The following TTLL3 variants were observed in gnomAD, a reference collection of about 807,000 sequenced individuals.
TTLL3 encodes tubulin tyrosine ligase like 3.
TTLL3 carries 63 observed loss-of-function variants against 75.2 expected under a neutral mutation model. The observed-to-expected ratio is 0.84, with a 90% CI of 0.68 to 1.03. The LOEUF is 1.03. TTLL3 is among the 50% of genes least tolerant of loss of function. The pLI is 0.00. For synonymous variants in TTLL3, 393 were observed against 418.5 expected (o/e 0.94, Z 0.74); for missense variants, 997 against 1,069.9 (o/e 0.93, Z 0.95).
Position 9,810,434 on chromosome 3 carries a change from C to A in TTLL3, c.-42+40C>A. 1 of 1,425,242 alleles carries A rather than the reference C, an allele frequency of 7.0e-7. No homozygotes were observed. The highest frequency in any genetic ancestry group is 9.1e-7 in the Non-Finnish European group (1 of 1,094,640). 88.3% of individuals were successfully genotyped at this position (1,425,242 alleles called of 1,614,324 possible). A position where few individuals can be genotyped will look rare whatever the true frequency, so the allele number is the denominator to read the frequency against. ...GCCCGCTCGCTCTGGCCTACAGCGG[C>A]TGCGAGGACGACAAGACGCTGGGGT... On this transcript the variant is annotated intron_variant, in intron 1 of 13. Transcript: ENST00000685419. This position sits in a 1 kb window ranked among gnomAD's most constrained non-coding sequence, Gnocchi z 4.4.
chr3:9,820,639 G>A lies in TTLL3; in HGVS notation c.752G>A (p.Ser251Asn). 1 of 1,614,126 alleles carries A rather than the reference G, an allele frequency of 6.2e-7. No individual in the cohort carries two copies. Among genetic ancestry groups the A allele is most frequent in the Non-Finnish European group, 8.5e-7 (1 of 1,180,002 alleles). ...EALCACEEYL[S>N]NLAHMDIDKD... is the part of the protein sequence containing the mutation. ...CTGTGTGCGTGCGAGGAGTACCTTA[G>A]CAACTTGGCCCACATGGACATCGAC... Residue 251 changes from serine to asparagine, a missense_variant, in exon 8 of 14, where the codon AGC becomes AAC. Coordinates refer to ENST00000685419, the MANE Select transcript of TTLL3 (RefSeq NM_001387446.1).
At chr3:9,815,208 T>C (rs9836708) in intron 4 of TTLL3, among the ~76,000 whole-genome samples, 127,524 of 150,208 alleles carry the variant, frequency 0.85, 54,380 homozygotes, top group Non-Finnish European at 0.89. Context: ...GCCACTGCAC[T>C]CCAGCCTGGG....
At chr3:9,828,763 G>A (rs2124950541) in intron 10 of TTLL3, 197 bp from the exon 11 acceptor site, 1 of 685,800 alleles carries the variant, frequency 1.5e-6, no homozygotes, top group Non-Finnish European at 2.4e-6. Context: ...AGCCCTGAGA[G>A]ATAAGAGTGG....
rs1408156300 is a variant in TTLL3, at chr3:9,818,926, T to C, written c.658+6T>C. On this transcript the variant is annotated splice_donor_region_variant and intron_variant, in intron 7 of 13. Transcript: ENST00000685419. ...AGTAGAGGAAGAGGCCTCAGGTAAGTACTGTGGTTACCTCCACTCTCCCAC... is the reference window on the plus strand; with the variant it reads ...AGTAGAGGAAGAGGCCTCAGGTAAGCACTGTGGTTACCTCCACTCTCCCAC... The C allele has an allele frequency of 1.9e-6, 3 of 1,614,020 alleles. No individual in the cohort carries two copies. In the South Asian group the frequency reaches 3.3e-5, roughly 18 times the overall value.
chr3:9,817,618 C>G, intron 5 of TTLL3, 27 bp from the exon 6 acceptor site: 2 of 1,613,610 alleles, frequency 1.2e-6, no homozygotes, highest in South Asian at 1.1e-5. Context: ...CAGTCCTGCC[C>G]TGCCCTCTCA....
At chr3:9,824,741 T>TCTTTTC (rs1412510168) in intron 8 of TTLL3, among the ~76,000 whole-genome samples, 1 of 138,386 alleles carries the variant, frequency 7.2e-6, no homozygotes, top group Admixed American at 7.2e-5. Context: ...TCTTTTCTTT[T>TCTTTTC]TTTTTTTTTT....
At position 9,810,826 on chromosome 3, in the gene TTLL3, A is replaced by C; in HGVS notation, c.48+117A>C. ...AGCAAAAGAAAAAACAATAGCAAAA[A>C]TCCTCAACCACCACACCCATCTTCA... On this transcript the variant is annotated intron_variant, in intron 2 of 13. Transcript: ENST00000685419. This position sits in a 1 kb window ranked among gnomAD's most constrained non-coding sequence, Gnocchi z 4.4. 5 of 967,314 alleles carry C rather than the reference A, an allele frequency of 5.2e-6. No individual in the cohort carries two copies. Among genetic ancestry groups the C allele is most frequent in the South Asian group, 1.8e-5 (1 of 56,144 alleles). The allele number at this position is 967,314 out of a possible 1,614,324, so 59.9% of individuals were successfully genotyped here.
In TTLL3 at chr3:9,820,673, G is replaced by C. The variant is rs139669248; in HGVS notation, c.786G>C (p.Leu262=). 4.0e-4 allele frequency: 648 copies of C among 1,614,150 alleles called. 4 individuals are homozygous for C. The Middle Eastern group carries it at 6.1e-3, about 15-fold the overall frequency. ...CCCACATGGACATCGACAAGGACCTGGAGGCCCCGCTGTACCTCACCCCCG... is the reference window on the plus strand; with the variant it reads ...CCCACATGGACATCGACAAGGACCTCGAGGCCCCGCTGTACCTCACCCCCG... The part of the protein sequence containing the change: ...NLAHMDIDKD[L]EAPLYLTPEG... Residue 262 remains leucine (L), a synonymous_variant, in exon 8 of 14, where the codon CTG becomes CTC. Transcript: ENST00000685419.
In TTLL3 at chr3:9,813,059, C is replaced by T; in HGVS notation, c.165C>T (p.Pro55=). 6.3e-7 allele frequency: 1 copy of T among 1,587,590 alleles called. No individual in the cohort carries two copies. Residue 55 remains proline (P), a synonymous_variant, in exon 3 of 14, where the codon CCC becomes CCT. Transcript: ENST00000685419. ...VHRSGPTLLP[P]QKDLDSSAMG... ...GCTCAGGCCCCACCCTGCTGCCACC[C>T]CAGAAGGATCTGGATAGCTCAGCGA...
At position 9,817,660 on chromosome 3, in the gene TTLL3, A is replaced by C. The variant is rs1316442729; in HGVS notation, c.460A>C (p.Asn154His). ...SFTTKVGLCL[N>H]LRNLPWFDEV... ...AACTCCGTAGGTGGGTCTATGTCTCAATCTCCGGAATTTGCCGTGGTTTGA... is the reference window on the plus strand; with the variant it reads ...AACTCCGTAGGTGGGTCTATGTCTCCATCTCCGGAATTTGCCGTGGTTTGA... Residue 154 changes from asparagine to histidine, a missense_variant, in exon 6 of 14, where the codon AAT becomes CAT. Asn to His is a moderately conservative substitution (Grantham distance 68). Transcript: ENST00000685419. 1 of 1,614,076 alleles carries C rather than the reference A, an allele frequency of 6.2e-7. No individual in the cohort carries two copies. The highest frequency in any genetic ancestry group is 2.2e-5 in the East Asian group (1 of 44,882).
chr3:9,820,070 A>G, intron 7 of TTLL3: 2 of 993,650 alleles, frequency 2.0e-6, no homozygotes, highest in Non-Finnish European at 2.4e-6. Flanking sequence ...CAGTGCACAC[A>G]GAAGTTAGTG....
In TTLL3 at chr3:9,835,589, G is replaced by T; in HGVS notation, c.*100G>T. 1 of 1,212,140 alleles carries T rather than the reference G, an allele frequency of 8.2e-7. No individual in the cohort carries two copies. The highest frequency in any genetic ancestry group is 1.1e-6 in the Non-Finnish European group (1 of 876,556). The allele number at this position is 1,212,140 out of a possible 1,614,324, so 75.1% of individuals were successfully genotyped here. On this transcript the variant is annotated 3_prime_UTR_variant, in exon 14 of 14. Coordinates refer to ENST00000685419, the MANE Select transcript of TTLL3 (RefSeq NM_001387446.1). The stretch of plus-strand genomic sequence containing the variant: ...GGACTCCCCCAGCATCTCCGATCCA[G>T]GGGTGGGGAGCGTGAGCCTTCACTT...
At chr3:9,811,593 C>G (rs924361449) in intron 2 of TTLL3, among the ~76,000 whole-genome samples, 1 of 152,242 alleles carries the variant, frequency 6.6e-6, no homozygotes, top group East Asian at 1.9e-4. Flanking sequence ...CCTGTCCCCT[C>G]ATCTTTTTGT....
chr3:9,828,958 A>G lies in TTLL3; in HGVS notation c.1248-2A>G. 1.2e-6 allele frequency: 2 copies of G among 1,614,102 alleles called. No homozygotes were observed. Among genetic ancestry groups the G allele is most frequent in the East Asian group, 4.5e-5 (2 of 44,866 alleles). ...ACCTCAGTTTTCTGTTCTCTGCCCC[A>G]GCTCAGTGCACCTGTGCAACAACTC... On this transcript the variant is annotated splice_acceptor_variant, in intron 10 of 13. Transcript: ENST00000685419. LOFTEE classifies it high-confidence loss of function.
intron 11 of TTLL3, among the ~76,000 whole-genome samples, chr3:9,831,919 G>A (rs1040080770): frequency 3.4e-5 from 5 of 148,402 alleles, no homozygotes; most frequent in East Asian, 2.0e-4. Context: ...CTCAGATCCC[G>A]AGTAGCTGGG....
intron 9 of TTLL3, among the ~76,000 whole-genome samples, chr3:9,826,763 A>G (rs1219937708): frequency 6.6e-6 from 1 of 151,088 alleles, no homozygotes; most frequent in Non-Finnish European, 1.5e-5. Context: ...AGCACTTTAA[A>G]TTTGTATCCA....
Position 9,835,468 on chromosome 3 carries a change from A to G in TTLL3, c.2427A>G (p.Pro809=), listed in dbSNP as rs778771945. The G allele has an allele frequency of 1.9e-6, 3 of 1,603,468 alleles. No individual in the cohort carries two copies. Among genetic ancestry groups the G allele is most frequent in the Non-Finnish European group, 2.6e-6 (3 of 1,175,820 alleles). Residue 809 remains proline, a synonymous_variant, in exon 14 of 14, where the codon CCA becomes CCG. Transcript: ENST00000685419. ...SRVDGARPCT[P]GSTARA is the part of the protein sequence containing the mutation. The stretch of plus-strand genomic sequence containing the variant: ...TGGATGGGGCGAGGCCGTGTACCCC[A>G]GGGTCCACAGCAAGAGCCTGAGGCC...
intron 11 of TTLL3, among the ~76,000 whole-genome samples, chr3:9,832,325 TG>T (rs2081630506): frequency 6.6e-6 from 1 of 152,046 alleles, no homozygotes; most frequent in South Asian, 2.1e-4. Context: ...TGACCTCAAG[TG>T]ATCTGCCAAC....
chr3:9,809,986 G>GGCGGGCGCGGGATCAGGGGCCCTGGGAGA (rs1559733289), upstream of TTLL3: 43 of 1,296,372 alleles, frequency 3.3e-5, no homozygotes, highest in East Asian at 1.3e-4. Flanking sequence ...GCCCTGGGAG[G>GGCGGGCGCGGGATCAGGGGCCCTGGGAGA]GCGAGCGCGG....
Sources: allele counts gnomAD v4.1 joint callset (sites outside exome capture counted in the v4.1 genomes callset), GRCh38; gene constraint gnomAD v4.1.1; non-coding constraint Gnocchi (gnomAD v3.1); transcripts MANE v1.5; gene names NCBI Gene and HGNC (gene_info 2026-07-23, HGNC 2026-07-21).